Variants in PCDH11X observed in about 807,000 individuals in gnomAD.
PCDH11X encodes protocadherin 11 X-linked, also known as protocadherin-11 X-linked.
In PCDH11X, 18 loss-of-function variants were observed where a neutral mutation model predicts 53.3. The ratio of observed to expected loss-of-function variants is 0.34; its 90% CI spans 0.23 to 0.50. The LOEUF is 0.50. Ranked by LOEUF, PCDH11X falls within the 20% of genes least tolerant of loss-of-function variation. The pLI is 0.98. For synonymous variants in PCDH11X, 279 were observed against 393.3 expected (o/e 0.71, Z 3.44); for missense variants, 570 against 1,032.4 (o/e 0.55, Z 6.14).
intron 6 of PCDH11X, among the ~76,000 whole-genome samples, chrX:91,946,579 A>C: frequency 1.2e-5 from 1 of 86,852 alleles, no homozygotes. Context: ...ATATATATAT[A>C]TATATATATA....
At chrX:92,511,794 ATACAT>A (rs2074165876) in intron 10 of PCDH11X, among the ~76,000 whole-genome samples, 1 of 111,538 alleles carries the variant, frequency 9.0e-6, no homozygotes, top group South Asian at 3.8e-4. Flanking sequence ...AAATTCCACA[ATACAT>A]TATTTGCTTC....
At position 91,917,144 on chromosome X, in the gene PCDH11X, C is replaced by G. The variant is rs189009071; in HGVS notation, c.3033+37871C>G. Among the ~76,000 whole-genome samples, 31 of 110,535 alleles carry G rather than the reference C, an allele frequency of 2.8e-4. No homozygotes were observed. In the East Asian group the frequency reaches 8.4e-3, roughly 30 times the overall value. On this transcript the variant is annotated intron_variant, in intron 6 of 10. Transcript: ENST00000682573. ...TGATTAAAATCCTCAGCAAAATTGGCATACAAAGGACATACCTCAAGGTAA... is the reference window on the plus strand; with the variant it reads ...TGATTAAAATCCTCAGCAAAATTGGGATACAAAGGACATACCTCAAGGTAA...
At chrX:92,074,061 T>A (rs1277493955) in intron 6 of PCDH11X, among the ~76,000 whole-genome samples, 1 of 111,766 alleles carries the variant, frequency 8.9e-6, no homozygotes, top group Non-Finnish European at 1.9e-5. Flanking sequence ...TTTGTTTCCA[T>A]TAGATATGTT....
rs764535863 is a variant in PCDH11X, at chrX:92,069,934, G to A, written c.3034-131441G>A. ...TGACCTCAGGTGATCTGCCTGCCTC[G>A]GCCTCCCAAAGCGCTAGCCAGGATT... On this transcript the variant is annotated intron_variant, in intron 6 of 10. Transcript: ENST00000682573. Among the ~76,000 whole-genome samples the A allele has an allele frequency of 2.6e-4, 29 of 110,682 alleles. No individual in the cohort carries two copies. The East Asian group carries it at 3.4e-3, about 13-fold the overall frequency.
At chrX:92,389,843 T>TA (rs763516545) in intron 9 of PCDH11X, among the ~76,000 whole-genome samples, 42 of 107,069 alleles carry the variant, frequency 3.9e-4, no homozygotes, top group South Asian at 2.0e-3. Context: ...CTTTTTTTTT[T>TA]AAAAAAAGGG....
intron 8 of PCDH11X, among the ~76,000 whole-genome samples, chrX:92,337,737 T>A (rs1258258039): frequency 2.7e-5 from 3 of 111,498 alleles, no homozygotes; most frequent in Non-Finnish European, 5.7e-5. Flanking sequence ...AACCAGGTCT[T>A]GATTCCAGAA....
intron 6 of PCDH11X, among the ~76,000 whole-genome samples, chrX:91,930,648 C>A (rs1942101625): frequency 9.4e-6 from 1 of 106,324 alleles, no homozygotes; most frequent in African/African-American, 3.4e-5. Flanking sequence ...AGGGGATTAG[C>A]CCTTAGCTAG....
chrX:92,256,673 A>C (rs184746687), intron 7 of PCDH11X, among the ~76,000 whole-genome samples: 1 of 111,274 alleles, frequency 9.0e-6, no homozygotes, highest in Non-Finnish European at 1.9e-5. Flanking sequence ...TAGTAAGTTC[A>C]GCATCCATTA....
chrX:92,380,852 T>A (rs2070860040), intron 8 of PCDH11X, among the ~76,000 whole-genome samples: 1 of 17,581 alleles, frequency 5.7e-5, no homozygotes, highest in Non-Finnish European at 9.0e-5. Context: ...AGCATAATGA[T>A]CTTTTTTTTT....
chrX:92,129,131 G>A (rs2064925626), intron 6 of PCDH11X, among the ~76,000 whole-genome samples: 1 of 110,766 alleles, frequency 9.0e-6, no homozygotes, highest in South Asian at 3.8e-4. Flanking sequence ...GGTGGCTCAC[G>A]CCTGTAATCC....
At chrX:91,818,549 C>T (rs1367650550) in intron 4 of PCDH11X, among the ~76,000 whole-genome samples, 57 of 108,463 alleles carry the variant, frequency 5.3e-4, no homozygotes, top group Non-Finnish European at 9.4e-4. Context: ...AAAAAAAATA[C>T]AAAAAATTAG....
intron 10 of PCDH11X, among the ~76,000 whole-genome samples, chrX:92,475,880 T>G (rs1402367285): frequency 8.9e-6 from 1 of 111,943 alleles, no homozygotes; most frequent in Non-Finnish European, 1.9e-5. Context: ...TTTATTCTTT[T>G]TTCTTTACCT....
chrX:92,155,888 A>G (rs2148249263), intron 6 of PCDH11X, among the ~76,000 whole-genome samples: 1 of 107,772 alleles, frequency 9.3e-6, no homozygotes, highest in African/African-American at 3.4e-5. Context: ...TCGGCTTCCC[A>G]AAGCCCTGGG....
intron 4 of PCDH11X, among the ~76,000 whole-genome samples, chrX:91,823,396 T>C (rs1376758328): frequency 1.8e-5 from 2 of 111,289 alleles, no homozygotes; most frequent in African/African-American, 6.5e-5. Context: ...AGTTAGCTCT[T>C]CTTGTTGAAT....
At chrX:91,981,495 CA>C (rs908930333) in intron 6 of PCDH11X, among the ~76,000 whole-genome samples, 3 of 110,412 alleles carry the variant, frequency 2.7e-5, no homozygotes, top group Non-Finnish European at 5.7e-5. Flanking sequence ...CTTGCTGTTG[CA>C]AAAAAATGAT....
chrX:92,282,631 G>T (rs1375725872), intron 8 of PCDH11X, among the ~76,000 whole-genome samples: 1 of 111,405 alleles, frequency 9.0e-6, no homozygotes, highest in African/African-American at 3.3e-5. Flanking sequence ...ATGCTTTTTA[G>T]GTCAGTGCTG....
intron 10 of PCDH11X, among the ~76,000 whole-genome samples, chrX:92,573,598 C>A (rs1381947742): frequency 9.1e-5 from 10 of 110,223 alleles, no homozygotes; most frequent in African/African-American, 3.3e-4. Context: ...AACCAAAAAT[C>A]TTTTAAATAA....
At chrX:92,290,548 CTGTT>C (rs755243427) in intron 8 of PCDH11X, among the ~76,000 whole-genome samples, 1 of 112,342 alleles carries the variant, frequency 8.9e-6, no homozygotes, top group African/African-American at 3.2e-5. Flanking sequence ...ATCAAATTCA[CTGTT>C]TGTAGAAGTG....
chrX:92,108,856 T>C (rs1366546600), intron 6 of PCDH11X, among the ~76,000 whole-genome samples: 3 of 111,620 alleles, frequency 2.7e-5, no homozygotes. Flanking sequence ...CTGTTAAGCA[T>C]TGAATAATGT....
Sources: gnomAD v4.1 joint callset for allele counts (sites outside exome capture counted in the v4.1 genomes callset) on GRCh38, gnomAD v4.1.1 for gene constraint, MANE v1.5 for transcripts, NCBI Gene and HGNC (gene_info 2026-07-23, HGNC 2026-07-21) for gene names.